The following GRM4 variants were observed in gnomAD, a reference collection of about 807,000 sequenced individuals.
GRM4 encodes the protein glutamate metabotropic receptor 4.
A neutral mutation model predicts 81.7 loss-of-function variants in GRM4; 28 were observed. That is an observed-to-expected ratio of 0.34 (90% CI 0.25 to 0.47). GRM4 has a LOEUF of 0.47. Among genes scored for constraint, GRM4 ranks in the 20% least tolerant of loss-of-function variants. GRM4 has a pLI of 1.00. For missense variants in GRM4, 948 were observed against 1,290.0 expected (o/e 0.73, Z 4.06); for synonymous variants, 488 against 528.8 (o/e 0.92, Z 1.06).
chr6:34,105,769 C>T (rs1004153465), intron 2 of GRM4, among the ~76,000 whole-genome samples: 2 of 152,194 alleles, frequency 1.3e-5, no homozygotes, highest in African/African-American at 4.8e-5. Flanking sequence ...GTTCAAAGTC[C>T]GTCCCCGCCA....
intron 1 of GRM4, among the ~76,000 whole-genome samples, chr6:34,137,591 CT>C (rs796255832): frequency 8.2e-5 from 11 of 133,700 alleles, no homozygotes; most frequent in African/African-American, 7.9e-5. Flanking sequence ...CCTTTTTTTT[CT>C]TTTTTTTTTG....
At chr6:34,076,547 C>T (rs1017849401) in intron 3 of GRM4, among the ~76,000 whole-genome samples, 3 of 152,210 alleles carry the variant, frequency 2.0e-5, no homozygotes, top group African/African-American at 7.2e-5. Flanking sequence ...TGGCCCACAC[C>T]GGGGAGGAGG....
chr6:34,127,179 T>C (rs550492259), intron 2 of GRM4, among the ~76,000 whole-genome samples: 4 of 152,290 alleles, frequency 2.6e-5, no homozygotes, highest in Middle Eastern at 3.4e-3. Context: ...AACAAATGTG[T>C]ACATGACTGC....
intron 1 of GRM4, among the ~76,000 whole-genome samples, chr6:34,139,262 C>A (rs535153454): frequency 1.8e-4 from 27 of 152,356 alleles, no homozygotes; most frequent in South Asian, 1.7e-3. Flanking sequence ...ACAACAGGGC[C>A]CTGATTCAGA....
intron 6 of GRM4, among the ~76,000 whole-genome samples, chr6:34,044,167 C>T (rs1019572696): frequency 3.0e-5 from 4 of 131,170 alleles, no homozygotes; most frequent in Non-Finnish European, 6.3e-5. Flanking sequence ...CACATACACA[C>T]ACATATACAT....
chr6:34,103,547 A>G (rs1170943472), intron 2 of GRM4: 1 of 1,490,790 alleles, frequency 6.7e-7, no homozygotes, highest in South Asian at 1.2e-5. Context: ...GTCCTATTTC[A>G]TAGGCGAAAT....
chr6:34,146,431 G>C (rs918714805), upstream of GRM4, among the ~76,000 whole-genome samples: 1 of 152,206 alleles, frequency 6.6e-6, no homozygotes, highest in Non-Finnish European at 1.5e-5. Flanking sequence ...AGTGAGACTC[G>C]GGAAGAATCC....
intron 2 of GRM4, among the ~76,000 whole-genome samples, chr6:34,129,613 G>A (rs796680989): frequency 6.6e-5 from 10 of 152,330 alleles, no homozygotes; most frequent in African/African-American, 2.2e-4. Context: ...AGTTCCCAGA[G>A]TCAGGCCTTC....
rs535650539 is a variant in GRM4 at position 34,058,837 on chromosome 6, C to T, written c.1027+137G>A. 8 of 692,048 alleles carry T rather than the reference C, an allele frequency of 1.2e-5. No individual in the cohort carries two copies. The Admixed American group carries it at 2.2e-4, about 19-fold the overall frequency. The allele number at this position is 692,048 out of a possible 1,614,324, so 42.9% of individuals were successfully genotyped here. The stretch of plus-strand genomic sequence containing the variant: ...GAACTCCCAGCCCAAAACCTCAGAA[C>T]ATAAGAGGCTGTGGGCCAAGGAAGA... On this transcript the variant is annotated intron_variant, in intron 5 of 10. Transcript: ENST00000538487.
intron 2 of GRM4, among the ~76,000 whole-genome samples, chr6:34,123,726 G>A (rs796545962): frequency 4.9e-4 from 74 of 152,338 alleles, no homozygotes; most frequent in African/African-American, 1.8e-3. Context: ...TTACACACAA[G>A]GAAACGGGGG....
intron 3 of GRM4, among the ~76,000 whole-genome samples, chr6:34,084,575 G>GCA (rs1281487115): frequency 6.6e-6 from 1 of 152,166 alleles, no homozygotes; most frequent in Non-Finnish European, 1.5e-5. Flanking sequence ...AGCAAGTTAG[G>GCA]CACGACAAGT....
At position 34,136,563 on chromosome 6, in the gene GRM4, GACACACACACACACACACACACACACAC is replaced by G. The variant is rs10635207; in HGVS notation, c.-363-2732_-363-2705del. On this transcript the variant is annotated intron_variant, in intron 1 of 10. Coordinates refer to ENST00000538487, the MANE Select transcript of GRM4 (RefSeq NM_000841.4). This position sits in a 1 kb window ranked among gnomAD's most constrained non-coding sequence, Gnocchi z 4.1. ...GCTGAGCAGTGCATGCGCGCGTGCG[GACACACACACACACACACACACACACAC>G]ACACACACACACACGGGGAAGGACA... Among the ~76,000 whole-genome samples, 11 of 142,534 alleles carry G rather than the reference GACACACACACACACACACACACACACAC, an allele frequency of 7.7e-5. No homozygotes were observed. The highest frequency in any genetic ancestry group is 1.5e-4 in the Non-Finnish European group (10 of 66,270). The allele number at this position is 142,534 out of a possible 152,430, so 93.5% of individuals were successfully genotyped here.
intron 2 of GRM4, among the ~76,000 whole-genome samples, chr6:34,125,293 C>T (rs757204315): frequency 3.3e-5 from 5 of 152,180 alleles, no homozygotes; most frequent in Non-Finnish European, 1.5e-5. Context: ...AGTCACCGCA[C>T]GCTAAAGCTG....
intron 10 of GRM4, chr6:34,024,751 A>G (rs1202931884): frequency 2.2e-6 from 1 of 455,984 alleles, no homozygotes; most frequent in Non-Finnish European, 4.4e-6. Flanking sequence ...ATGAAGAATC[A>G]CTTAGCCGGA....
Position 34,080,158 on chromosome 6 carries a change from A to G in GRM4, c.736+11725T>C, listed in dbSNP as rs1267885024. ...CCCCTGCCTGGGGCCCTCTTCCCAC[A>G]GATCTCCACCTGGCTAATGCCCTCG... On this transcript the variant is annotated intron_variant, in intron 3 of 10. Transcript: ENST00000538487. This position sits in a 1 kb window ranked among gnomAD's most constrained non-coding sequence, Gnocchi z 5.4. 6.6e-6 allele frequency among the ~76,000 whole-genome samples: 1 copy of G among 152,140 alleles called. No individual in the cohort carries two copies. Among genetic ancestry groups the G allele is most frequent in the African/African-American group, 2.4e-5 (1 of 41,418 alleles).
intron 3 of GRM4, among the ~76,000 whole-genome samples, chr6:34,072,757 CCA>C (rs377045141): frequency 3.0e-5 from 4 of 135,072 alleles, no homozygotes; most frequent in East Asian, 2.3e-4. Context: ...TCACCACACA[CCA>C]CACAGATACA....
At position 34,035,645 on chromosome 6, in the gene GRM4, C is replaced by A; in HGVS notation, c.2442+23G>T. 7.0e-7 allele frequency: 1 copy of A among 1,427,920 alleles called. No individual in the cohort carries two copies. The highest frequency in any genetic ancestry group is 1.3e-5 in the South Asian group (1 of 77,558). The allele number at this position is 1,427,920 out of a possible 1,614,324, so 88.5% of individuals were successfully genotyped here. On this transcript the variant is annotated intron_variant, in intron 9 of 10. Transcript: ENST00000538487. This position sits in a 1 kb window ranked among gnomAD's most constrained non-coding sequence, Gnocchi z 6.6. The stretch of plus-strand genomic sequence containing the variant: ...TCACTGCCCTCACCTACCCACCGTC[C>A]ACCCCCGGCCCCCACCACTCACCTT...
upstream of GRM4, among the ~76,000 whole-genome samples, chr6:34,150,529 G>A (rs1032941161): frequency 3.3e-5 from 5 of 152,132 alleles, no homozygotes; most frequent in Non-Finnish European, 7.4e-5. Context: ...GTGGGTGAAG[G>A]AGACGAGTGG....
intron 2 of GRM4, among the ~76,000 whole-genome samples, chr6:34,114,000 G>C (rs1219128298): frequency 6.6e-6 from 1 of 152,176 alleles, no homozygotes; most frequent in East Asian, 1.9e-4. Context: ...TGCACTGGCT[G>C]TGCCTGCCAC....
Sources: allele counts gnomAD v4.1 joint callset (sites outside exome capture counted in the v4.1 genomes callset), GRCh38; gene constraint gnomAD v4.1.1; non-coding constraint Gnocchi (gnomAD v3.1); transcripts MANE v1.5; gene names NCBI Gene and HGNC (gene_info 2026-07-23, HGNC 2026-07-21).